ATXN2: variants seen among roughly 807,000 people sequenced by gnomAD.
ATXN2 encodes the protein ataxin 2.
In ATXN2, 37 loss-of-function variants were observed where a neutral mutation model predicts 138.6. The observed-to-expected ratio is 0.27, with a 90% confidence interval of 0.21 to 0.35. The LOEUF is 0.35. Ranked by LOEUF, ATXN2 falls within the 10% of genes least tolerant of loss-of-function variation. The pLI is 1.00. For missense variants in ATXN2, 1,216 were observed against 1,480.3 expected (o/e 0.82, Z 2.93); for synonymous variants, 549 against 543.7 (o/e 1.01, Z -0.13).
chr12:111,528,389 A>G (rs916289372), intron 5 of ATXN2, among the ~76,000 whole-genome samples: 4 of 152,206 alleles, frequency 2.6e-5, no homozygotes, highest in Admixed American at 2.6e-4. Flanking sequence ...TTCTAAACAA[A>G]TTTCTAAAAG....
chr12:111,531,561 A>G (rs1333077407), intron 5 of ATXN2, among the ~76,000 whole-genome samples: 1 of 150,734 alleles, frequency 6.6e-6, no homozygotes, highest in Non-Finnish European at 1.5e-5. Context: ...ATCTGTTCTA[A>G]CTGAATTGTA....
At chr12:111,458,814 C>T (rs1875332794) in intron 21 of ATXN2, among the ~76,000 whole-genome samples, 1 of 152,204 alleles carries the variant, frequency 6.6e-6, no homozygotes, top group South Asian at 2.1e-4. Flanking sequence ...GCATAGACGG[C>T]TCTGGGTATA....
chr12:111,565,794 G>A (rs1031067568), intron 1 of ATXN2, among the ~76,000 whole-genome samples: 5 of 151,980 alleles, frequency 3.3e-5, no homozygotes, highest in East Asian at 1.9e-4. Context: ...CCAGGAGTTC[G>A]AGCCCAGCCT....
At chr12:111,455,680 T>G in intron 23 of ATXN2, 1 of 343,344 alleles carries the variant, frequency 2.9e-6, no homozygotes, top group Non-Finnish European at 5.6e-6. Context: ...CCAAGGTAAG[T>G]GTGTAGGGGA....
At chr12:111,538,911 AAC>A (rs1881341005) in intron 5 of ATXN2, among the ~76,000 whole-genome samples, 1 of 150,254 alleles carries the variant, frequency 6.7e-6, no homozygotes, top group Non-Finnish European at 1.5e-5. Context: ...AACTAACAAG[AAC>A]AAGAAAAAAT....
At chr12:111,563,367 T>C (rs754581855) in intron 1 of ATXN2, among the ~76,000 whole-genome samples, 28 of 151,958 alleles carry the variant, frequency 1.8e-4, no homozygotes, top group Non-Finnish European at 3.4e-4. Flanking sequence ...ACCAGAAAAA[T>C]GTTGATTTGT....
At chr12:111,575,193 C>A (rs1883563834) in intron 1 of ATXN2, among the ~76,000 whole-genome samples, 1 of 151,856 alleles carries the variant, frequency 6.6e-6, no homozygotes, top group Admixed American at 6.6e-5. Context: ...CTAAAAAGAA[C>A]AAGACCCTTA....
At chr12:111,566,107 C>T (rs1350613396) in intron 1 of ATXN2, among the ~76,000 whole-genome samples, 1 of 151,996 alleles carries the variant, frequency 6.6e-6, no homozygotes, top group Non-Finnish European at 1.5e-5. Context: ...GCCCAGGGAT[C>T]AAGGGATAAT....
chr12:111,563,476 T>C (rs996906530), intron 1 of ATXN2, among the ~76,000 whole-genome samples: 2 of 152,146 alleles, frequency 1.3e-5, no homozygotes, highest in Admixed American at 1.3e-4. Context: ...GGTTTTGAAA[T>C]AGAATGCCCT....
Position 111,513,357 on chromosome 12 carries a change from C to A in ATXN2, c.1558G>T (p.Val520Phe). The A allele has an allele frequency of 6.2e-7, 1 of 1,611,058 alleles. No individual in the cohort carries two copies. The highest frequency in any genetic ancestry group is 1.1e-5 in the South Asian group (1 of 90,582). Residue 520 changes from valine (V) to phenylalanine (F), a missense_variant and splice_region_variant, in exon 11 of 25, where the codon GTT (valine) becomes TTT (phenylalanine). Val to Phe is a conservative substitution (Grantham distance 50, BLOSUM62 -1). Coordinates refer to ENST00000673436, the MANE Select transcript of ATXN2 (RefSeq NM_001372574.1). ...ATCATTATGCCCAAGTGTTACCTAC[C>A]CCCACTGACCACTGATGACCACGTT... ...GGTWSSVVSG[V>F]PRLSPKTHRP...
chr12:111,547,491 C>G (rs1324387953), intron 5 of ATXN2, among the ~76,000 whole-genome samples: 1 of 151,568 alleles, frequency 6.6e-6, no homozygotes, highest in African/African-American at 2.4e-5. Flanking sequence ...TTTGGGAGGC[C>G]TAGGCAGGTG....
chr12:111,591,433 G>T (rs1884661139), intron 1 of ATXN2, among the ~76,000 whole-genome samples: 1 of 152,144 alleles, frequency 6.6e-6, no homozygotes, highest in Admixed American at 6.6e-5. Flanking sequence ...ACTTTGGGAA[G>T]CTGAGGCAGG....
In ATXN2 at chr12:111,594,161, C is replaced by A. The variant is rs542243412; in HGVS notation, c.251+4623G>T. 7.6e-4 allele frequency among the ~76,000 whole-genome samples: 115 copies of A among 152,242 alleles called. 2 individuals are homozygous for A. The South Asian group carries it at 0.024, about 31-fold the overall frequency. ...CATTAGAATGTAAACTCCAAAAGGACAATATGTTTGCTTTATTCACTGATT... is the reference window on the plus strand; with the variant it reads ...CATTAGAATGTAAACTCCAAAAGGAAAATATGTTTGCTTTATTCACTGATT... On this transcript the variant is annotated intron_variant, in intron 1 of 24. Transcript: ENST00000673436.
In ATXN2 at chr12:111,456,268, C is replaced by A; in HGVS notation, c.3043-12G>T. ...TGGTGCTGATGGTGCTGCAAAGCGA[C>A]AGGAAAGAATTGAGAGGAAAACTTC... On this transcript the variant is annotated splice_polypyrimidine_tract_variant and intron_variant, in intron 22 of 24. Coordinates refer to ENST00000673436, the MANE Select transcript of ATXN2 (RefSeq NM_001372574.1). The A allele has an allele frequency of 6.2e-7, 1 of 1,613,686 alleles. No individual in the cohort carries two copies. Among genetic ancestry groups the A allele is most frequent in the Non-Finnish European group, 8.5e-7 (1 of 1,179,726 alleles).
intron 1 of ATXN2, among the ~76,000 whole-genome samples, chr12:111,584,505 G>A (rs1884213350): frequency 6.6e-6 from 1 of 151,064 alleles, no homozygotes; most frequent in South Asian, 2.1e-4. Flanking sequence ...ATTACAATGC[G>A]GTATATATAC....
chr12:111,576,160 C>A (rs1256994118), intron 1 of ATXN2, among the ~76,000 whole-genome samples: 2 of 142,362 alleles, frequency 1.4e-5, no homozygotes, highest in Non-Finnish European at 1.5e-5. Flanking sequence ...AACCAATAGT[C>A]TGGCCGGGCA....
chr12:111,583,903 A>G (rs932075361), intron 1 of ATXN2, among the ~76,000 whole-genome samples: 2 of 151,870 alleles, frequency 1.3e-5, no homozygotes, highest in Non-Finnish European at 2.9e-5. Context: ...ATACACAATT[A>G]TACTAAAAAA....
In ATXN2 at chr12:111,470,239, T is replaced by C; in HGVS notation, c.2711A>G (p.His904Arg). ...TATTACAGGACTATAGACATGAGGA[T>C]GCTGTGTTCAAACAAAAAATAAAGA... ...VQHVPHYQSQ[H>R]PHVYSPVIQG... Residue 904 changes from histidine (H) to arginine (R), a missense_variant and splice_region_variant, in exon 20 of 25, where the codon CAT (histidine) becomes CGT (arginine). Around this residue, in one of 4 missense-constraint regions of ATXN2, gnomAD observed 490 missense variants for 653.5 expected, o/e 0.75. Coordinates refer to ENST00000673436, the MANE Select transcript of ATXN2 (RefSeq NM_001372574.1). 6.2e-7 allele frequency: 1 copy of C among 1,612,546 alleles called. No homozygotes were observed. Among genetic ancestry groups the C allele is most frequent in the Non-Finnish European group, 8.5e-7 (1 of 1,179,412 alleles).
intron 18 of ATXN2, among the ~76,000 whole-genome samples, chr12:111,484,411 GT>G (rs896624427): frequency 6.6e-6 from 1 of 151,694 alleles, no homozygotes; most frequent in East Asian, 1.9e-4. Context: ...AATTAGTCTG[GT>G]TTTTTTGTTT....
Sources: gnomAD v4.1 joint callset for allele counts (sites outside exome capture counted in the v4.1 genomes callset) on GRCh38, gnomAD v4.1.1 for gene constraint, gnomAD v4.1.1 regional missense constraint, MANE v1.5 for transcripts, NCBI Gene and HGNC (gene_info 2026-07-23, HGNC 2026-07-21) for gene names.